The following RBFOX1 variants were observed in gnomAD, a reference collection of about 807,000 sequenced individuals.
RBFOX1 encodes RNA binding protein fox-1 homolog 1.
RBFOX1 carries 8 observed loss-of-function variants against 57.7 expected under a neutral mutation model. The ratio of observed to expected loss-of-function variants is 0.14; its 90% CI spans 0.08 to 0.25. The LOEUF (loss-of-function observed/expected upper bound fraction) is 0.25. Among genes scored for constraint, RBFOX1 ranks in the 10% least tolerant of loss-of-function variants. The pLI, the probability that RBFOX1 is intolerant of heterozygous loss-of-function variation, is 1.00. For synonymous variants in RBFOX1, 326 were observed against 222.4 expected (o/e 1.47, Z -4.15); for missense variants, 611 against 548.5 (o/e 1.11, Z -1.14).
At chr16:6,543,668 G>T (rs1372786227) in intron 2 of RBFOX1, among the ~76,000 whole-genome samples, 1 of 152,158 alleles carries the variant, frequency 6.6e-6, no homozygotes, top group Non-Finnish European at 1.5e-5. Context: ...AGGCACCTTG[G>T]CAGGGGAGGA....
chr16:5,477,746 G>T (rs966867413), intron 2 of RBFOX1, among the ~76,000 whole-genome samples: 3 of 151,998 alleles, frequency 2.0e-5, no homozygotes, highest in African/African-American at 7.2e-5. Flanking sequence ...TTCTGTTATG[G>T]GTGCTTTATA....
intron 3 of RBFOX1, among the ~76,000 whole-genome samples, chr16:7,007,437 C>T (rs952850634): frequency 3.3e-5 from 5 of 152,198 alleles, no homozygotes; most frequent in South Asian, 2.1e-4. Flanking sequence ...GAGTCATCTC[C>T]GTATTTTTAG....
intron 1 of RBFOX1, among the ~76,000 whole-genome samples, chr16:5,357,746 G>A (rs192078990): frequency 2.0e-5 from 3 of 152,326 alleles, no homozygotes; most frequent in Admixed American, 6.5e-5. Flanking sequence ...CAACTGTTCT[G>A]TTAGTCAGAA....
intron 1 of RBFOX1, among the ~76,000 whole-genome samples, chr16:6,064,979 C>A (rs967231684): frequency 1.3e-5 from 2 of 151,762 alleles, no homozygotes; most frequent in African/African-American, 4.8e-5. Flanking sequence ...AAAAAAAAAA[C>A]CTCCCTACGT....
rs2081199995 is a variant in RBFOX1 at position 6,317,066 on chromosome 16, A to C, written c.-64+9A>C. 2 of 1,532,494 alleles carry C rather than the reference A, an allele frequency of 1.3e-6. No individual in the cohort carries two copies. Among genetic ancestry groups the C allele is most frequent in the Non-Finnish European group, 1.7e-6 (2 of 1,143,790 alleles). 94.9% of individuals were successfully genotyped at this position (1,532,494 alleles called of 1,614,324 possible). A position where few individuals can be genotyped will look rare whatever the true frequency, so the allele number is the denominator to read the frequency against. The stretch of plus-strand genomic sequence containing the variant: ...ATCGGACTCAGCATTCAGTAAGTGC[A>C]ACCCATTTTGAACATTCATTCCATA... On this transcript the variant is annotated intron_variant, in intron 2 of 15. Coordinates refer to ENST00000550418, the MANE Select transcript of RBFOX1 (RefSeq NM_018723.4).
chr16:7,489,858 A>T (rs2066472171), intron 4 of RBFOX1, among the ~76,000 whole-genome samples: 1 of 152,086 alleles, frequency 6.6e-6, no homozygotes, highest in South Asian at 2.1e-4. Flanking sequence ...ACTTTCGCAC[A>T]CCAAGATAAC....
At chr16:7,398,531 T>A (rs527963205) in intron 4 of RBFOX1, among the ~76,000 whole-genome samples, 17 of 152,376 alleles carry the variant, frequency 1.1e-4, no homozygotes, top group African/African-American at 4.1e-4. Flanking sequence ...GAACAGATCT[T>A]GCAAATTCAG....
intron 3 of RBFOX1, among the ~76,000 whole-genome samples, chr16:5,846,081 C>A (rs1189555685): frequency 6.6e-6 from 1 of 151,652 alleles, no homozygotes; most frequent in Non-Finnish European, 1.5e-5. Flanking sequence ...ACTTGGGAGG[C>A]TGAGGTAGGA....
chr16:6,207,924 C>T (rs557912046), intron 1 of RBFOX1, among the ~76,000 whole-genome samples: 14 of 151,948 alleles, frequency 9.2e-5, no homozygotes, highest in Non-Finnish European at 1.3e-4. Flanking sequence ...AATGTGACTC[C>T]AAATTATCGG....
Position 7,711,977 on chromosome 16 carries a change from G to C in RBFOX1, c.*1232G>C, listed in dbSNP as rs1017667550. ...ATACCCCCAAGGATTATCTCAAAAT[G>C]ATCTCTTTAGTTCTGTCTCCAAGGC... On this transcript the variant is annotated 3_prime_UTR_variant, in exon 16 of 16. Coordinates refer to ENST00000550418, the MANE Select transcript of RBFOX1 (RefSeq NM_018723.4). 3 of 152,444 alleles carry C rather than the reference G, an allele frequency of 2.0e-5. No individual in the cohort carries two copies. Among genetic ancestry groups the C allele is most frequent in the African/African-American group, 7.2e-5 (3 of 41,398 alleles). The allele number at this position is 152,444 out of a possible 1,614,324, so 9.4% of individuals were successfully genotyped here. A position where few individuals can be genotyped will look rare whatever the true frequency, so the allele number is the denominator to read the frequency against.
chr16:5,945,862 T>C (rs2152270735), intron 4 of RBFOX1, among the ~76,000 whole-genome samples: 1 of 152,226 alleles, frequency 6.6e-6, no homozygotes, highest in Non-Finnish European at 1.5e-5. Flanking sequence ...ACTCCATCCA[T>C]CAGTATTTCA....
rs976785354 is a variant in RBFOX1 at position 7,555,086 on chromosome 16, G to A, written c.271-24691G>A. 7.4e-4 allele frequency among the ~76,000 whole-genome samples: 112 copies of A among 152,238 alleles called. 4 individuals carry two copies. Among genetic ancestry groups the A allele is most frequent in the Non-Finnish European group, 1.6e-4 (11 of 68,018 alleles). ...TAAAGGGTATTTGCTATTGTTGTGA[G>A]TAGGGTAAGGGGGGGTTTTTAGTAG... On this transcript the variant is annotated intron_variant, in intron 5 of 15. Coordinates refer to ENST00000550418, the MANE Select transcript of RBFOX1 (RefSeq NM_018723.4).
At chr16:5,274,211 C>T (rs1386301619) in intron 1 of RBFOX1, among the ~76,000 whole-genome samples, 4 of 152,146 alleles carry the variant, frequency 2.6e-5, no homozygotes, top group Admixed American at 1.3e-4. Flanking sequence ...AAGAAGGTTC[C>T]AGCATCACTT....
chr16:7,667,630 C>T (rs556444118), intron 13 of RBFOX1, among the ~76,000 whole-genome samples: 26 of 152,232 alleles, frequency 1.7e-4, no homozygotes, highest in Non-Finnish European at 3.5e-4. Flanking sequence ...TCAGCGGCCC[C>T]GGGATATATG....
chr16:7,251,115 C>G (rs1017119045), intron 4 of RBFOX1, among the ~76,000 whole-genome samples: 1 of 152,132 alleles, frequency 6.6e-6, no homozygotes, highest in Non-Finnish European at 1.5e-5. Flanking sequence ...AACTATTCCT[C>G]CTATCTAACT....
intron 1 of RBFOX1, among the ~76,000 whole-genome samples, chr16:6,109,643 T>G (rs1399867340): frequency 1.3e-5 from 2 of 152,184 alleles, no homozygotes; most frequent in Non-Finnish European, 2.9e-5. Context: ...ATCCTAGATA[T>G]TAGAATTTTT....
intron 3 of RBFOX1, among the ~76,000 whole-genome samples, chr16:6,930,759 G>A (rs1301097608): frequency 6.6e-6 from 1 of 151,950 alleles, no homozygotes; most frequent in Non-Finnish European, 1.5e-5. Flanking sequence ...ATGTTTATTG[G>A]CCACTTGATC....
intron 3 of RBFOX1, among the ~76,000 whole-genome samples, chr16:5,802,205 C>A (rs562942238): frequency 7.9e-5 from 12 of 152,210 alleles, no homozygotes; most frequent in African/African-American, 2.9e-4. Context: ...CTTTAAGCTC[C>A]CCATCAAAAG....
At chr16:5,803,146 T>TC in intron 3 of RBFOX1, among the ~76,000 whole-genome samples, 1 of 152,154 alleles carries the variant, frequency 6.6e-6, no homozygotes, top group Middle Eastern at 3.4e-3. Context: ...GCTGTATCCC[T>TC]CCCCCCATCC....
Sources: allele counts gnomAD v4.1 joint callset (sites outside exome capture counted in the v4.1 genomes callset), GRCh38; gene constraint gnomAD v4.1.1; transcripts MANE v1.5; gene names NCBI Gene and HGNC (gene_info 2026-07-23, HGNC 2026-07-21).